The following CACNA2D3 variants were observed in gnomAD, a reference collection of about 807,000 sequenced individuals.
CACNA2D3 encodes the protein voltage-dependent calcium channel subunit alpha-2/delta-3.
Under a neutral mutation model 160.6 loss-of-function variants are expected in CACNA2D3, and 60 were observed. The ratio of observed to expected loss-of-function variants is 0.37; its 90% CI spans 0.30 to 0.46. The LOEUF (loss-of-function observed/expected upper bound fraction) is 0.46. Among genes scored for constraint, CACNA2D3 ranks in the 20% least tolerant of loss-of-function variants. The probability of loss-of-function intolerance (pLI) is 1.00; values close to 1 mark genes in which losing one functional copy is unlikely to be tolerated. For synonymous variants in CACNA2D3, 558 were observed against 492.9 expected, an observed-to-expected ratio of 1.13 and a Z score of -1.75; for missense variants, 1,205 against 1,365.0, an observed-to-expected ratio of 0.88 and a Z score of 1.85.
chr3:54,723,692 G>A (rs1025631150), intron 11 of CACNA2D3, among the ~76,000 whole-genome samples: 1 of 152,138 alleles, frequency 6.6e-6, no homozygotes, highest in Non-Finnish European at 1.5e-5. Context: ...CTCTGCTTCG[G>A]CTCACCCTCC....
At chr3:54,600,310 C>T (rs936537577) in intron 9 of CACNA2D3, among the ~76,000 whole-genome samples, 5 of 152,190 alleles carry the variant, frequency 3.3e-5, no homozygotes, top group African/African-American at 1.2e-4. Context: ...TAAATTCATC[C>T]ACTGCACAAA....
At chr3:54,773,368 A>G (rs1238483601) in intron 13 of CACNA2D3, among the ~76,000 whole-genome samples, 2 of 152,222 alleles carry the variant, frequency 1.3e-5, no homozygotes, top group Admixed American at 1.3e-4. Context: ...ACACTGCTGC[A>G]TATCAAAGAA....
chr3:54,654,805 C>T (rs1298729210), intron 11 of CACNA2D3, among the ~76,000 whole-genome samples: 1 of 152,200 alleles, frequency 6.6e-6, no homozygotes, highest in Admixed American at 6.5e-5. Flanking sequence ...TTTACTGCTA[C>T]TGGAATGAGC....
chr3:54,903,063 CTTTAT>C (rs1328645166), intron 27 of CACNA2D3, among the ~76,000 whole-genome samples: 2 of 151,808 alleles, frequency 1.3e-5, no homozygotes, highest in Non-Finnish European at 2.9e-5. Context: ...TTTTATTTAA[CTTTAT>C]TTTAAGTTCA....
At chr3:54,186,712 CTCCT>C (rs1700884532) in intron 2 of CACNA2D3, among the ~76,000 whole-genome samples, 1 of 151,790 alleles carries the variant, frequency 6.6e-6, no homozygotes, top group East Asian at 1.9e-4. Context: ...TATGATATCT[CTCCT>C]TCCTTATGTC....
At chr3:54,764,184 T>C in intron 12 of CACNA2D3, 34 bp from the exon 13 acceptor site, 1 of 1,612,550 alleles carries the variant, frequency 6.2e-7, no homozygotes, top group East Asian at 2.2e-5. Context: ...TTTCTGTCTG[T>C]TACTAAACTT....
intron 3 of CACNA2D3, among the ~76,000 whole-genome samples, chr3:54,340,160 T>C (rs62256096): frequency 0.091 from 13,790 of 152,266 alleles, 816 homozygotes; most frequent in East Asian, 0.18. Context: ...CTTCTACCAA[T>C]GCTATTTTTC....
chr3:55,018,092 A>G (rs1703367028), intron 34 of CACNA2D3, 114 bp from the exon 35 acceptor site: 4 of 674,848 alleles, frequency 5.9e-6, no homozygotes, highest in Non-Finnish European at 1.1e-5. Flanking sequence ...TGTGCTAGAA[A>G]AATCACAGAG....
chr3:54,272,117 A>G (rs1458083193), intron 2 of CACNA2D3, among the ~76,000 whole-genome samples: 1 of 152,142 alleles, frequency 6.6e-6, no homozygotes, highest in Non-Finnish European at 1.5e-5. Context: ...TCCCATATCC[A>G]TGGGCTACAG....
intron 35 of CACNA2D3, among the ~76,000 whole-genome samples, chr3:55,066,459 A>G (rs1704637517): frequency 6.6e-6 from 1 of 152,162 alleles, no homozygotes; most frequent in Non-Finnish European, 1.5e-5. Context: ...CCACATGTGC[A>G]ATCCTGTGGT....
chr3:54,701,062 A>G (rs890156381), intron 11 of CACNA2D3, among the ~76,000 whole-genome samples: 3 of 152,230 alleles, frequency 2.0e-5, no homozygotes, highest in Admixed American at 6.5e-5. Flanking sequence ...TATTGGATGA[A>G]AGAAATCAGG....
intron 9 of CACNA2D3, among the ~76,000 whole-genome samples, chr3:54,611,675 A>C (rs1698751361): frequency 6.6e-6 from 1 of 152,226 alleles, no homozygotes; most frequent in East Asian, 1.9e-4. Flanking sequence ...ACTTGGTCTC[A>C]GAAAGGGGGT....
At chr3:54,811,724 C>A (rs1703324323) in intron 13 of CACNA2D3, among the ~76,000 whole-genome samples, 1 of 152,050 alleles carries the variant, frequency 6.6e-6, no homozygotes, top group African/African-American at 2.4e-5. Context: ...TGGTCTCGAA[C>A]TCCTGACCTC....
At chr3:55,023,309 G>T (rs1056374375) in intron 35 of CACNA2D3, among the ~76,000 whole-genome samples, 5 of 152,078 alleles carry the variant, frequency 3.3e-5, no homozygotes, top group Non-Finnish European at 5.9e-5. Flanking sequence ...CTATTTTTAT[G>T]TGCTTTATTC....
intron 11 of CACNA2D3, among the ~76,000 whole-genome samples, chr3:54,669,503 T>A (rs1700121491): frequency 6.6e-6 from 1 of 152,210 alleles, no homozygotes. Context: ...TAAAGAGACT[T>A]GTGTATTATG....
intron 2 of CACNA2D3, among the ~76,000 whole-genome samples, chr3:54,132,040 C>T (rs551970809): frequency 2.6e-5 from 4 of 152,276 alleles, no homozygotes; most frequent in East Asian, 3.9e-4. Flanking sequence ...TCTACAGTCG[C>T]GAGTCATAAC....
At chr3:54,738,682 T>G (rs1326563628) in intron 11 of CACNA2D3, among the ~76,000 whole-genome samples, 3 of 152,214 alleles carry the variant, frequency 2.0e-5, no homozygotes, top group Admixed American at 1.3e-4. Flanking sequence ...TACATTTCCA[T>G]GTAAGTTCTG....
chr3:54,224,916 C>G lies in CACNA2D3; in HGVS notation c.205-95526C>G, dbSNP rs534164872. Among the ~76,000 whole-genome samples the G allele has an allele frequency of 2.0e-5, 3 of 146,632 alleles. No individual in the cohort carries two copies. The South Asian group carries it at 6.5e-4, about 32-fold the overall frequency. ...ATCTACCCTGCTTAGATTCCCGAAG[C>G]TTCCTGAATTTGTGACTGAATATCT... On this transcript the variant is annotated intron_variant, in intron 2 of 37. Coordinates refer to ENST00000474759, the MANE Select transcript of CACNA2D3 (RefSeq NM_018398.3).
At position 54,754,958 on chromosome 3, in the gene CACNA2D3, G is replaced by A. The variant is rs77464176; in HGVS notation, c.1246+2281G>A. Reference sequence around the variant, plus strand: ...GGGTCTCACAAGGGAGAAGGAAGACGTGTTTGTGTTTTTCTGTTCCTTCTC... The same window carrying A: ...GGGTCTCACAAGGGAGAAGGAAGACATGTTTGTGTTTTTCTGTTCCTTCTC... On this transcript the variant is annotated intron_variant, in intron 12 of 37. Transcript: ENST00000474759. Among the ~76,000 whole-genome samples the A allele has an allele frequency of 4.6e-3, 704 of 152,298 alleles. 6 individuals are homozygous for A. The highest frequency in any genetic ancestry group is 0.016 in the African/African-American group (665 of 41,564).
Sources: allele counts gnomAD v4.1 joint callset (sites outside exome capture counted in the v4.1 genomes callset), GRCh38; gene constraint gnomAD v4.1.1; transcripts MANE v1.5; gene names NCBI Gene and HGNC (gene_info 2026-07-23, HGNC 2026-07-21).